Variants in ZBTB7C observed in about 807,000 individuals in gnomAD.
The protein encoded by ZBTB7C is zinc finger and BTB domain-containing protein 7C.
ZBTB7C carries 8 observed loss-of-function variants against 25.7 expected under a neutral mutation model. The observed-to-expected ratio is 0.31, with a 90% confidence interval of 0.18 to 0.56. ZBTB7C has a LOEUF of 0.56. Ranked by LOEUF, ZBTB7C falls within the 20% of genes least tolerant of loss-of-function variation. The pLI, the probability that ZBTB7C is intolerant of heterozygous loss-of-function variation, is 0.91. For missense variants in ZBTB7C, 824 were observed against 855.2 expected (o/e 0.96, Z 0.46); for synonymous variants, 394 against 369.0 (o/e 1.07, Z -0.78).
chr18:48,080,954 C>T (rs1466782426), intron 3 of ZBTB7C, among the ~76,000 whole-genome samples: 2 of 152,234 alleles, frequency 1.3e-5, no homozygotes, highest in Non-Finnish European at 2.9e-5. Context: ...TTTCCTCACT[C>T]ACCCCTGGTT....
intron 2 of ZBTB7C, among the ~76,000 whole-genome samples, chr18:48,314,628 G>A (rs2045905540): frequency 6.6e-6 from 1 of 152,104 alleles, no homozygotes; most frequent in African/African-American, 2.4e-5. Context: ...GGGCAGTACT[G>A]TATACCCAAT....
chr18:48,409,435 G>GCGCCT (rs1414788356), upstream of ZBTB7C: 1 of 145,940 alleles, frequency 6.9e-6, no homozygotes, highest in African/African-American at 2.5e-5. Flanking sequence ...TCCCCGCGCC[G>GCGCCT]CGCCTCCGCC....
At chr18:48,168,744 A>T (rs1304786554) in intron 3 of ZBTB7C, among the ~76,000 whole-genome samples, 1 of 152,186 alleles carries the variant, frequency 6.6e-6, no homozygotes, top group Admixed American at 6.5e-5. Flanking sequence ...GTTTGGGACA[A>T]TGTTCTAGTT....
intron 2 of ZBTB7C, among the ~76,000 whole-genome samples, chr18:48,273,798 CCACAAGA>C (rs1268865480): frequency 6.6e-6 from 1 of 151,816 alleles, no homozygotes; most frequent in East Asian, 1.9e-4. Flanking sequence ...AAAATATTAC[CCACAAGA>C]AATATGCCAA....
intron 2 of ZBTB7C, among the ~76,000 whole-genome samples, chr18:48,213,462 G>A (rs544249415): frequency 3.9e-5 from 6 of 152,122 alleles, no homozygotes; most frequent in Non-Finnish European, 7.3e-5. Context: ...GAACCTTTCC[G>A]TCTTCAATGG....
chr18:48,227,435 T>C (rs1568316136), intron 2 of ZBTB7C, among the ~76,000 whole-genome samples: 1 of 152,228 alleles, frequency 6.6e-6, no homozygotes, highest in African/African-American at 2.4e-5. Flanking sequence ...CGTCCTCTAG[T>C]CACTAAGGAG....
chr18:48,096,151 G>A (rs1339091186), intron 3 of ZBTB7C, among the ~76,000 whole-genome samples: 1 of 152,156 alleles, frequency 6.6e-6, no homozygotes, highest in Non-Finnish European at 1.5e-5. Context: ...ACACAGTTAT[G>A]TTATTTTAGC....
rs1413530813 is a variant in ZBTB7C at position 48,346,943 on chromosome 18, C to T, written c.-303-8545G>A. Reference sequence around the variant, plus strand: ...GGGATTACAGGCACGCGCCACCACACCTGGCTAATTTTTGTATTTTTAGTA... The same window carrying T: ...GGGATTACAGGCACGCGCCACCACATCTGGCTAATTTTTGTATTTTTAGTA... On this transcript the variant is annotated intron_variant, in intron 1 of 4. Coordinates refer to ENST00000590800, the MANE Select transcript of ZBTB7C (RefSeq NM_001318841.2). Among the ~76,000 whole-genome samples, 3 of 151,836 alleles carry T rather than the reference C, an allele frequency of 2.0e-5. 1 individual carries two copies. The South Asian group carries it at 6.2e-4, about 32-fold the overall frequency.
chr18:48,122,657 G>A, intron 3 of ZBTB7C, among the ~76,000 whole-genome samples: 1 of 152,134 alleles, frequency 6.6e-6, no homozygotes, highest in Non-Finnish European at 1.5e-5. Flanking sequence ...ATCCGAAATG[G>A]GCAGCAAAAT....
chr18:48,267,865 G>A (rs947640652), intron 2 of ZBTB7C, among the ~76,000 whole-genome samples: 3 of 152,144 alleles, frequency 2.0e-5, no homozygotes, highest in Admixed American at 6.5e-5. Flanking sequence ...CCTTGATCTT[G>A]GACTTCCCAG....
chr18:48,285,854 G>T (rs1223122214), intron 2 of ZBTB7C, among the ~76,000 whole-genome samples: 1 of 151,770 alleles, frequency 6.6e-6, no homozygotes, highest in Non-Finnish European at 1.5e-5. Flanking sequence ...TTTGTTTGTT[G>T]CTCCTGGTCC....
At chr18:48,289,104 C>T (rs1401246326) in intron 2 of ZBTB7C, among the ~76,000 whole-genome samples, 2 of 152,130 alleles carry the variant, frequency 1.3e-5, no homozygotes, top group Non-Finnish European at 2.9e-5. Context: ...CAGACAGGAT[C>T]GGGCATTGAT....
chr18:48,139,525 G>A (rs2040277062), intron 3 of ZBTB7C, among the ~76,000 whole-genome samples: 1 of 152,062 alleles, frequency 6.6e-6, no homozygotes, highest in African/African-American at 2.4e-5. Context: ...TGGTGCCAGG[G>A]CCAGTGATAT....
chr18:48,152,335 A>G (rs2040704537), intron 3 of ZBTB7C, among the ~76,000 whole-genome samples: 1 of 152,232 alleles, frequency 6.6e-6, no homozygotes, highest in Non-Finnish European at 1.5e-5. Flanking sequence ...TGTTAAAAAA[A>G]AAATCCAGGT....
At chr18:48,250,379 G>A (rs78441149) in intron 2 of ZBTB7C, among the ~76,000 whole-genome samples, 28 of 152,258 alleles carry the variant, frequency 1.8e-4, no homozygotes, top group African/African-American at 6.5e-4. Context: ...TTCCTCCGTT[G>A]TAGAAAAGGG....
chr18:48,282,492 G>C (rs1350450098), intron 2 of ZBTB7C, among the ~76,000 whole-genome samples: 2 of 151,984 alleles, frequency 1.3e-5, no homozygotes, highest in Non-Finnish European at 2.9e-5. Context: ...TTATGACCTG[G>C]CAATTCCAGT....
At chr18:48,311,631 G>C (rs976427283) in intron 2 of ZBTB7C, among the ~76,000 whole-genome samples, 1 of 151,872 alleles carries the variant, frequency 6.6e-6, no homozygotes, top group Non-Finnish European at 1.5e-5. Context: ...CAATAATATG[G>C]CTATTCAGTG....
rs1169707002 is a variant in ZBTB7C, at chr18:48,278,717, C to T, written c.-79+59457G>A. 2.6e-5 allele frequency among the ~76,000 whole-genome samples: 4 copies of T among 152,238 alleles called. No homozygotes were observed. In the East Asian group the frequency reaches 5.8e-4, roughly 22 times the overall value. ...TGCTGGGATTACAGGCATGAGCCAC[C>T]GCGTCCAGCCATCCTCCTCAAATTC... is the stretch of plus-strand genomic sequence containing the variant. On this transcript the variant is annotated intron_variant, in intron 2 of 4. Coordinates refer to ENST00000590800, the MANE Select transcript of ZBTB7C (RefSeq NM_001318841.2).
chr18:48,223,270 G>T (rs924162405), intron 2 of ZBTB7C, among the ~76,000 whole-genome samples: 3 of 152,052 alleles, frequency 2.0e-5, no homozygotes, highest in African/African-American at 7.2e-5. Context: ...CCCAGTAGAG[G>T]CCCCCAGATA....
Sources: gnomAD v4.1 joint callset for allele counts (sites outside exome capture counted in the v4.1 genomes callset) on GRCh38, gnomAD v4.1.1 for gene constraint, MANE v1.5 for transcripts, NCBI Gene and HGNC (gene_info 2026-07-23, HGNC 2026-07-21) for gene names.